STAU2: variants seen among roughly 807,000 people sequenced by gnomAD.
The protein encoded by STAU2 is double-stranded RNA-binding protein Staufen homolog 2.
A neutral mutation model predicts 65.9 loss-of-function variants in STAU2; 20 were observed. That is an observed-to-expected ratio of 0.30 (90% CI 0.21 to 0.44). The LOEUF (loss-of-function observed/expected upper bound fraction) is 0.44, where lower values mean the gene tolerates loss of function less well. STAU2 is among the 20% of genes least tolerant of loss of function. The pLI, the probability that STAU2 is intolerant of heterozygous loss-of-function variation, is 1.00. For synonymous variants in STAU2, 232 were observed against 233.9 expected (o/e 0.99, Z 0.07); for missense variants, 558 against 683.9 (o/e 0.82, Z 2.05).
intron 13 of STAU2, among the ~76,000 whole-genome samples, chr8:73,428,348 T>C (rs1816984864): frequency 6.6e-6 from 1 of 151,982 alleles, no homozygotes; most frequent in South Asian, 2.1e-4. Flanking sequence ...TATACCACAT[T>C]TTCTTTTTCC....
At chr8:73,657,384 T>A (rs1816462710) in intron 6 of STAU2, among the ~76,000 whole-genome samples, 1 of 152,124 alleles carries the variant, frequency 6.6e-6, no homozygotes, top group South Asian at 2.1e-4. Flanking sequence ...AAAATAAACC[T>A]TTTATTAAGT....
In STAU2 at chr8:73,668,965, T is replaced by C. The variant is rs1381304580; in HGVS notation, c.410+4142A>G. ...GAAAATAAAAGGACCTTTTCAAAAATCCCTCTAAATGATACCTGTTTCTTG... is the reference window on the plus strand; with the variant it reads ...GAAAATAAAAGGACCTTTTCAAAAACCCCTCTAAATGATACCTGTTTCTTG... On this transcript the variant is annotated intron_variant, in intron 6 of 14. Transcript: ENST00000524300. 5.9e-6 allele frequency: 4 copies of C among 673,100 alleles called. No individual in the cohort carries two copies. The African/African-American group carries it at 7.2e-5, about 12-fold the overall frequency. The allele number at this position is 673,100 out of a possible 1,614,324, so 41.7% of individuals were successfully genotyped here. A position where few individuals can be genotyped will look rare whatever the true frequency, so the allele number is the denominator to read the frequency against.
At chr8:73,496,841 AT>A (rs1821448211) in intron 13 of STAU2, among the ~76,000 whole-genome samples, 1 of 151,664 alleles carries the variant, frequency 6.6e-6, no homozygotes, top group African/African-American at 2.4e-5. Context: ...GATGAGTCAA[AT>A]TTCAAATGCT....
chr8:73,425,950 A>C (rs1233567425), intron 13 of STAU2, among the ~76,000 whole-genome samples: 3 of 151,946 alleles, frequency 2.0e-5, no homozygotes, highest in Non-Finnish European at 2.9e-5. Flanking sequence ...GAGCCACCAC[A>C]CCCAGCTAAT....
intron 3 of STAU2, among the ~76,000 whole-genome samples, chr8:73,720,553 C>T (rs1456552955): frequency 4.4e-5 from 4 of 91,870 alleles, no homozygotes; most frequent in Non-Finnish European, 5.8e-5. Flanking sequence ...TCGCCCAGGC[C>T]GGACTGCGGA....
intron 12 of STAU2, 146 bp from the exon 13 acceptor site, chr8:73,552,465 C>CAGTT: frequency 1.4e-6 from 1 of 704,186 alleles, no homozygotes; most frequent in Non-Finnish European, 2.3e-6. Context: ...ACTGTAGAGG[C>CAGTT]AGTTGCAGCT....
chr8:73,532,565 T>A (rs1215625924), intron 13 of STAU2, among the ~76,000 whole-genome samples: 3 of 152,184 alleles, frequency 2.0e-5, no homozygotes, highest in South Asian at 4.2e-4. Context: ...GAGTTTGAGG[T>A]TGCAGTGAGC....
chr8:73,692,211 T>TC (rs778274381), intron 4 of STAU2, among the ~76,000 whole-genome samples: 57 of 150,784 alleles, frequency 3.8e-4, no homozygotes, highest in East Asian at 1.2e-3. Context: ...TTTTTTTTTT[T>TC]CCCCGGAGAT....
At chr8:73,509,259 T>A (rs1466465026) in intron 13 of STAU2, among the ~76,000 whole-genome samples, 4 of 152,178 alleles carry the variant, frequency 2.6e-5, no homozygotes, top group African/African-American at 9.6e-5. Context: ...ACATTCAGCA[T>A]CTTCTCAGGT....
intron 11 of STAU2, among the ~76,000 whole-genome samples, chr8:73,588,638 C>T (rs1810548911): frequency 6.6e-6 from 1 of 152,164 alleles, no homozygotes; most frequent in Non-Finnish European, 1.5e-5. Flanking sequence ...GCAGGAAATT[C>T]TCTGGTCCTA....
At chr8:73,665,631 G>A (rs1319217335) in intron 6 of STAU2, among the ~76,000 whole-genome samples, 4 of 152,154 alleles carry the variant, frequency 2.6e-5, no homozygotes, top group African/African-American at 9.7e-5. Flanking sequence ...CAGTCTGTAT[G>A]TTGTTTGATC....
intron 5 of STAU2, among the ~76,000 whole-genome samples, chr8:73,686,096 G>A (rs1563505489): frequency 6.6e-6 from 1 of 151,918 alleles, no homozygotes; most frequent in Non-Finnish European, 1.5e-5. Flanking sequence ...TGGGAGGTAA[G>A]CTACAAGGAC....
At chr8:73,567,623 C>A (rs1808712031) in intron 12 of STAU2, among the ~76,000 whole-genome samples, 1 of 151,584 alleles carries the variant, frequency 6.6e-6, no homozygotes, top group Non-Finnish European at 1.5e-5. Flanking sequence ...TCTGTGCTCA[C>A]TGCAACCTCC....
At chr8:73,569,975 T>C (rs1262087933) in intron 12 of STAU2, among the ~76,000 whole-genome samples, 1 of 152,188 alleles carries the variant, frequency 6.6e-6, no homozygotes, top group African/African-American at 2.4e-5. Flanking sequence ...TTCTACAAGT[T>C]GAGAGAAGAA....
intron 4 of STAU2, among the ~76,000 whole-genome samples, chr8:73,708,337 C>T (rs753341421): frequency 2.0e-5 from 3 of 151,832 alleles, no homozygotes; most frequent in Non-Finnish European, 4.4e-5. Flanking sequence ...CTCCAATAGC[C>T]AAGATATAAA....
At chr8:73,478,724 C>T (rs1563615995) in intron 13 of STAU2, among the ~76,000 whole-genome samples, 1 of 152,096 alleles carries the variant, frequency 6.6e-6, no homozygotes, top group Non-Finnish European at 1.5e-5. Flanking sequence ...TTGCATATTT[C>T]ACCTATCCTA....
At chr8:73,542,505 A>G (rs973804790) in intron 13 of STAU2, among the ~76,000 whole-genome samples, 3 of 152,156 alleles carry the variant, frequency 2.0e-5, no homozygotes, top group African/African-American at 7.2e-5. Context: ...TGAAATGGAA[A>G]AACCTCTGTT....
intron 13 of STAU2, among the ~76,000 whole-genome samples, chr8:73,506,699 C>T (rs769273772): frequency 1.6e-4 from 24 of 152,052 alleles, no homozygotes; most frequent in Non-Finnish European, 2.6e-4. Context: ...ATTTGCTGCA[C>T]GGACTAACTC....
intron 13 of STAU2, among the ~76,000 whole-genome samples, chr8:73,477,051 A>G (rs557355003): frequency 6.6e-6 from 1 of 152,354 alleles, no homozygotes; most frequent in East Asian, 1.9e-4. Flanking sequence ...ACAGCAGGAT[A>G]ACACTTCCTG....
Sources: allele counts gnomAD v4.1 joint callset (sites outside exome capture counted in the v4.1 genomes callset), GRCh38; gene constraint gnomAD v4.1.1; transcripts MANE v1.5; gene names NCBI Gene and HGNC (gene_info 2026-07-23, HGNC 2026-07-21).